GLI2: variants seen among roughly 807,000 people sequenced by gnomAD.
The protein encoded by GLI2 is GLI family zinc finger 2, also known as transcription activator GLI2.
GLI2 carries 22 observed loss-of-function variants against 78.9 expected under a neutral mutation model. The observed-to-expected ratio is 0.28, with a 90% CI of 0.20 to 0.40. The LOEUF (loss-of-function observed/expected upper bound fraction) is 0.40. Ranked by LOEUF, GLI2 falls within the 10% of genes least tolerant of loss-of-function variation. GLI2 has a pLI of 1.00. For missense variants in GLI2, 2,097 were observed against 2,213.2 expected (o/e 0.95, Z 1.05); for synonymous variants, 974 against 963.7 (o/e 1.01, Z -0.20).
At chr2:120,811,306 T>C (rs1021600610) in intron 2 of GLI2, among the ~76,000 whole-genome samples, 1 of 152,176 alleles carries the variant, frequency 6.6e-6, no homozygotes, top group African/African-American at 2.4e-5. Flanking sequence ...AGGAGTCCTC[T>C]GGTCATTCTA....
chr2:120,945,681 G>T (rs1680671638), intron 3 of GLI2, among the ~76,000 whole-genome samples: 1 of 152,042 alleles, frequency 6.6e-6, no homozygotes, highest in South Asian at 2.1e-4. Context: ...TCCTTCTTGG[G>T]CTCTCCCCTG....
chr2:120,946,472 T>C (rs961428851), intron 3 of GLI2, among the ~76,000 whole-genome samples: 27 of 152,264 alleles, frequency 1.8e-4, no homozygotes, highest in African/African-American at 6.5e-4. Context: ...TCTTTTAAAT[T>C]GAGCTCATGC....
At chr2:120,838,207 T>C (rs1686706485) in intron 2 of GLI2, among the ~76,000 whole-genome samples, 1 of 152,202 alleles carries the variant, frequency 6.6e-6, no homozygotes, top group Non-Finnish European at 1.5e-5. Flanking sequence ...TTACATTTAT[T>C]CATAAGTATT....
intron 1 of GLI2, among the ~76,000 whole-genome samples, chr2:120,742,927 T>TA (rs1682594003): frequency 6.6e-6 from 1 of 152,188 alleles, no homozygotes; most frequent in Non-Finnish European, 1.5e-5. Context: ...ATGTTGGAGT[T>TA]AAAAAAAGCA....
At position 120,961,924 on chromosome 2, in the gene GLI2, G is replaced by A. The variant is rs77677361; in HGVS notation, c.643+6494G>A. Among the ~76,000 whole-genome samples, 1,307 of 152,290 alleles carry A rather than the reference G, an allele frequency of 8.6e-3. 17 individuals carry two copies. The highest frequency in any genetic ancestry group is 0.028 in the African/African-American group (1,168 of 41,544). On this transcript the variant is annotated intron_variant, in intron 5 of 13. Transcript: ENST00000361492. ...ACCTAAAATAACCCAGCCCCGGGCT[G>A]AGGATGGCATCTGGCACAGAGAAGG...
At chr2:120,757,639 A>G (rs375054633) in intron 1 of GLI2, among the ~76,000 whole-genome samples, 24 of 152,324 alleles carry the variant, frequency 1.6e-4, no homozygotes, top group African/African-American at 4.3e-4. Context: ...AAGTTCACCA[A>G]TGTTCCCCTT....
chr2:120,836,110 GC>G (rs989680127), intron 2 of GLI2, among the ~76,000 whole-genome samples: 1 of 152,006 alleles, frequency 6.6e-6, no homozygotes, highest in African/African-American at 2.4e-5. Context: ...TGATCCCATG[GC>G]CCCCCCATCT....
At position 120,737,843 on chromosome 2, in the gene GLI2, A is replaced by G. The variant is rs1012417300; in HGVS notation, c.-31+1558A>G. ...ATGCTCAGGGGGCTCGGTGCCAAAA[A>G]GTAAAGTAAATAAACTGTGAAATCC... On this transcript the variant is annotated intron_variant, in intron 1 of 13. Coordinates refer to ENST00000361492, the MANE Select transcript of GLI2 (RefSeq NM_001374353.1). The surrounding 1 kb of genome is among the most constrained non-coding windows in gnomAD (Gnocchi z 4.3). Among the ~76,000 whole-genome samples the G allele has an allele frequency of 2.0e-5, 3 of 152,250 alleles. No homozygotes were observed. Among genetic ancestry groups the G allele is most frequent in the African/African-American group, 7.2e-5 (3 of 41,476 alleles).
At chr2:120,831,970 C>G (rs895478) in intron 2 of GLI2, among the ~76,000 whole-genome samples, 28,886 of 152,214 alleles carry the variant, frequency 0.19, 2,798 homozygotes, top group Middle Eastern at 0.26. Flanking sequence ...CTGCTGCCCA[C>G]CCATCGCTTC....
intron 2 of GLI2, among the ~76,000 whole-genome samples, chr2:120,897,055 G>T (rs1206362780): frequency 6.6e-6 from 1 of 152,204 alleles, no homozygotes; most frequent in Non-Finnish European, 1.5e-5. Flanking sequence ...GGGGCTGGGG[G>T]AAGAGATTCC....
intron 4 of GLI2, among the ~76,000 whole-genome samples, chr2:120,953,944 A>T (rs1681115471): frequency 6.6e-6 from 1 of 152,182 alleles, no homozygotes; most frequent in Admixed American, 6.5e-5. Context: ...GCTATGCATG[A>T]GTTCAAGATA....
chr2:120,968,657 T>C (rs1681976384), intron 5 of GLI2, 57 bp from the exon 6 acceptor site: 1 of 1,244,304 alleles, frequency 8.0e-7, no homozygotes, highest in Non-Finnish European at 1.2e-6. Flanking sequence ...CACCCACATG[T>C]CACCCCCTCC....
At chr2:120,782,579 G>C (rs571147675) in intron 1 of GLI2, among the ~76,000 whole-genome samples, 55 of 152,330 alleles carry the variant, frequency 3.6e-4, no homozygotes, top group African/African-American at 1.2e-3. Flanking sequence ...CCTCTTTACA[G>C]CTTAAGGTGG....
At chr2:120,942,349 C>T (rs1465630104) in intron 3 of GLI2, among the ~76,000 whole-genome samples, 1 of 152,200 alleles carries the variant, frequency 6.6e-6, no homozygotes, top group East Asian at 1.9e-4. Context: ...CCTTGCCTTT[C>T]CCAGCTTCTG....
At position 120,914,779 on chromosome 2, in the gene GLI2, T is replaced by G. The variant is rs573620660; in HGVS notation, c.149-12582T>G. 2.6e-5 allele frequency among the ~76,000 whole-genome samples: 4 copies of G among 152,290 alleles called. No individual in the cohort carries two copies. The East Asian group carries it at 7.7e-4, about 29-fold the overall frequency. Reference sequence around the variant, plus strand: ...ACTAGCTCTTCTCCACTTCACAGTCTCCCTCTGACATGGGTCCTGTCCCTA... The same window carrying G: ...ACTAGCTCTTCTCCACTTCACAGTCGCCCTCTGACATGGGTCCTGTCCCTA... On this transcript the variant is annotated intron_variant, in intron 2 of 13. Coordinates refer to ENST00000361492, the MANE Select transcript of GLI2 (RefSeq NM_001374353.1).
intron 2 of GLI2, among the ~76,000 whole-genome samples, chr2:120,902,185 A>ACCCCCCCCCCCCCCCCCCCCCCCCC (rs11358856): frequency 8.6e-6 from 1 of 116,340 alleles, no homozygotes; most frequent in African/African-American, 3.3e-5. Flanking sequence ...ATTGACACCC[A>ACCCCCCCCCCCCCCCCCCCCCCCCC]CCCCCCCCCA....
At chr2:120,834,355 G>A (rs1447700338) in intron 2 of GLI2, among the ~76,000 whole-genome samples, 2 of 152,192 alleles carry the variant, frequency 1.3e-5, no homozygotes, top group Admixed American at 6.5e-5. Flanking sequence ...GGGTTGGCCG[G>A]TTTGAATGAT....
intron 2 of GLI2, among the ~76,000 whole-genome samples, chr2:120,831,661 C>T (rs1221712969): frequency 6.6e-6 from 1 of 152,188 alleles, no homozygotes; most frequent in Admixed American, 6.5e-5. Context: ...GGTTGTCACA[C>T]AGCCCCCGGT....
chr2:120,939,479 T>G (rs1680352787), intron 3 of GLI2, among the ~76,000 whole-genome samples: 1 of 152,212 alleles, frequency 6.6e-6, no homozygotes, highest in East Asian at 1.9e-4. Context: ...TCACATCTTA[T>G]GACGGTTTTA....
Sources: allele counts gnomAD v4.1 joint callset (sites outside exome capture counted in the v4.1 genomes callset), GRCh38; gene constraint gnomAD v4.1.1; non-coding constraint Gnocchi (gnomAD v3.1); transcripts MANE v1.5; gene names NCBI Gene and HGNC (gene_info 2026-07-23, HGNC 2026-07-21).